PMPCA: variants seen among roughly 807,000 people sequenced by gnomAD.
PMPCA encodes the protein peptidase, mitochondrial processing subunit alpha, also known as mitochondrial-processing peptidase subunit alpha.
PMPCA carries 47 observed loss-of-function variants against 59.3 expected under a neutral mutation model. The ratio of observed to expected loss-of-function variants is 0.79; its 90% CI spans 0.63 to 1.01. The LOEUF (loss-of-function observed/expected upper bound fraction) is 1.01. PMPCA is among the 50% of genes least tolerant of loss of function. The pLI, the probability that PMPCA is intolerant of heterozygous loss-of-function variation, is 0.00. For synonymous variants in PMPCA, 338 were observed against 290.3 expected (o/e 1.16, Z -1.67); for missense variants, 726 against 704.5 (o/e 1.03, Z -0.34).
At chr9:136,416,675 G>C in intron 6 of PMPCA, 1 of 592,334 alleles carries the variant, frequency 1.7e-6, no homozygotes, top group Non-Finnish European at 3.0e-6. Flanking sequence ...TGAGTCTGCT[G>C]TTTATACAAT....
Position 136,417,109 on chromosome 9 carries a change from G to T in PMPCA, c.792G>T (p.Val264=), listed in dbSNP as rs554866200. The T allele has an allele frequency of 3.1e-6, 5 of 1,613,896 alleles. No homozygotes were observed. Among genetic ancestry groups the T allele is most frequent in the Non-Finnish European group, 3.4e-6 (4 of 1,180,000 alleles). Residue 264 remains valine (V), a synonymous_variant, in exon 7 of 13, where the codon GTG becomes GTT. Transcript: ENST00000371717. ...AGVGVEHEHL[V]DCARKYLLGV... ...TGGGCGTGGAGCACGAGCATCTGGT[G>T]GACTGTGCCCGGAAGTACCTCCTGG...
Position 136,412,008 on chromosome 9 carries a change from C to T in PMPCA, c.83C>T (p.Pro28Leu). The part of the protein sequence containing the change: ...WGCSRLRFGP[P>L]AYRRFSSGGA... ...TTTCTCTGTTTTAGGTTTGGACCTC[C>T]TGCGTACAGACGGTTTAGTAGTGGT... The change falls in exon 2 of 13, where the codon CCT (proline) becomes CTT (leucine). Residue 28 changes from proline (P) to leucine (L), a missense_variant. Pro to Leu is a moderately conservative substitution (Grantham distance 98). Transcript: ENST00000371717. The T allele has an allele frequency of 1.9e-6, 3 of 1,610,268 alleles. No individual in the cohort carries two copies. Among genetic ancestry groups the T allele is most frequent in the Non-Finnish European group, 2.5e-6 (3 of 1,176,756 alleles).
chr9:136,412,752 T>C lies in PMPCA; in HGVS notation c.355-58T>C. The C allele has an allele frequency of 3.8e-6, 4 of 1,043,476 alleles. No individual in the cohort carries two copies. In the South Asian group the frequency reaches 4.1e-5, roughly 11 times the overall value. The allele number at this position is 1,043,476 out of a possible 1,614,324, so 64.6% of individuals were successfully genotyped here. Reference sequence around the variant, plus strand: ...AGCAAAAGTAGATTTTAAAAAAAAATTGTGTTTCAGGGATAGCCTGGATTG... The same window carrying C: ...AGCAAAAGTAGATTTTAAAAAAAAACTGTGTTTCAGGGATAGCCTGGATTG... On this transcript the variant is annotated intron_variant, in intron 3 of 12. Transcript: ENST00000371717.
chr9:136,416,500 A>G (rs1252037136), intron 6 of PMPCA, 109 bp downstream of exon 6: 2 of 793,976 alleles, frequency 2.5e-6, no homozygotes, highest in South Asian at 1.4e-5. Context: ...GGTTATGGAT[A>G]TATACAGAAC....
chr9:136,412,337 G>C, intron 2 of PMPCA, 138 bp downstream of exon 2: 1 of 803,174 alleles, frequency 1.2e-6, no homozygotes, highest in Non-Finnish European at 2.2e-6. Context: ...CATAAATGTT[G>C]AGCTACACAT....
intron 6 of PMPCA, 161 bp from the exon 7 acceptor site, chr9:136,416,790 T>C: frequency 7.9e-6 from 5 of 629,408 alleles, no homozygotes; most frequent in Non-Finnish European, 1.4e-5. Context: ...TTTTACTCTT[T>C]ATAAATACGC....
At position 136,412,217 on chromosome 9, in the gene PMPCA, G is replaced by A; in HGVS notation, c.274+18G>A. On this transcript the variant is annotated intron_variant, in intron 2 of 12. Coordinates refer to ENST00000371717, the MANE Select transcript of PMPCA (RefSeq NM_015160.3). ...AGTAGGAAGTAAGTACTGTTGTGTT[G>A]TCGTGGGTGGTCCCGCAGTTTTAAC... 5 of 1,565,728 alleles carry A rather than the reference G, an allele frequency of 3.2e-6. No homozygotes were observed.
intron 11 of PMPCA, chr9:136,419,333 A>T (rs1401575703): frequency 1.6e-6 from 1 of 610,310 alleles, no homozygotes; most frequent in African/African-American, 1.8e-5. Flanking sequence ...GAAAACAGAA[A>T]AACAGACCAC....
rs150776126 is a variant in PMPCA at position 136,417,220 on chromosome 9, G to C, written c.897+6G>C. On this transcript the variant is annotated splice_donor_region_variant and intron_variant, in intron 7 of 12. Coordinates refer to ENST00000371717, the MANE Select transcript of PMPCA (RefSeq NM_015160.3). ...ACACTGGGGGGATTGCCAAGGTGAA[G>C]TAGCGGGAACGTCTCATGGCCTCGG... 37 of 1,565,770 alleles carry C rather than the reference G, an allele frequency of 2.4e-5. No individual in the cohort carries two copies. The African/African-American group carries it at 4.6e-4, about 19-fold the overall frequency.
At chr9:136,413,144 C>G (rs115624127) in intron 4 of PMPCA, among the ~76,000 whole-genome samples, 3,690 of 152,296 alleles carry the variant, frequency 0.024, 63 homozygotes, top group Middle Eastern at 0.095. Flanking sequence ...AGGCCCTGTT[C>G]CCAGATAGAG....
chr9:136,412,866 G>C lies in PMPCA; in HGVS notation c.411G>C (p.Gly137=), dbSNP rs774779672. 2.5e-6 allele frequency: 4 copies of C among 1,607,452 alleles called. No homozygotes were observed. The highest frequency in any genetic ancestry group is 8.5e-7 in the Non-Finnish European group (1 of 1,174,114). The change falls in exon 4 of 13, where the codon GGG becomes GGC. Residue 137 remains glycine, a synonymous_variant. Coordinates refer to ENST00000371717, the MANE Select transcript of PMPCA (RefSeq NM_015160.3). Reference sequence around the variant, plus strand: ...TTCTGCTTACGTTGGAAAAGCATGGGGGTATCTGTGACTGCCAGACATCAA... The same window carrying C: ...TTCTGCTTACGTTGGAAAAGCATGGCGGTATCTGTGACTGCCAGACATCAA... ...DEILLTLEKH[G]GICDCQTSRD...
rs982081111 is a variant in PMPCA, at chr9:136,417,205, G to C, written c.888G>C (p.Gly296=). ...IDRSVAQYTG[G]IAKLERDMSN... ...GATCTGTGGCCCAGTACACTGGGGG[G>C]ATTGCCAAGGTGAAGTAGCGGGAAC... The change falls in exon 7 of 13, where the codon GGG becomes GGC. Residue 296 remains glycine (G), a synonymous_variant. Coordinates refer to ENST00000371717, the MANE Select transcript of PMPCA (RefSeq NM_015160.3). 1 of 1,574,632 alleles carries C rather than the reference G, an allele frequency of 6.4e-7. No individual in the cohort carries two copies. The highest frequency in any genetic ancestry group is 8.7e-7 in the Non-Finnish European group (1 of 1,154,434).
At chr9:136,422,842 C>G in intron 12 of PMPCA, 1 of 1,300,430 alleles carries the variant, frequency 7.7e-7, no homozygotes, top group Non-Finnish European at 9.8e-7. Flanking sequence ...GTAAGTGTAA[C>G]TCTTCTTGGG....
chr9:136,414,759 G>T, intron 5 of PMPCA, 112 bp downstream of exon 5: 1 of 709,198 alleles, frequency 1.4e-6, no homozygotes, highest in South Asian at 1.5e-5. Context: ...TGGAGCTTTA[G>T]GCCAACACAA....
chr9:136,413,757 C>T (rs1835198599), intron 4 of PMPCA, among the ~76,000 whole-genome samples: 1 of 152,164 alleles, frequency 6.6e-6, no homozygotes, highest in South Asian at 2.1e-4. Flanking sequence ...CCCCCCTCGC[C>T]CTCAGCTCAG....
intron 12 of PMPCA, chr9:136,422,456 A>C (rs1003563660): frequency 3.6e-5 from 38 of 1,061,690 alleles, no homozygotes; most frequent in African/African-American, 3.0e-4. Flanking sequence ...TGTGCATCGG[A>C]CTCTTCTGGG....
In PMPCA at chr9:136,416,405, C is replaced by T; in HGVS notation, c.633+14C>T. On this transcript the variant is annotated intron_variant, in intron 6 of 12. Coordinates refer to ENST00000371717, the MANE Select transcript of PMPCA (RefSeq NM_015160.3). ...ATGATTCATGAAGTAAAATGTCAAA[C>T]TCGAGAATGCCCCCGCATCTCGAAC... The T allele has an allele frequency of 6.4e-7, 1 of 1,565,044 alleles. No individual in the cohort carries two copies. The highest frequency in any genetic ancestry group is 1.1e-5 in the South Asian group (1 of 90,180).
At position 136,416,313 on chromosome 9, in the gene PMPCA, G is replaced by T; in HGVS notation, c.555G>T (p.Arg185=). 4 of 1,613,856 alleles carry T rather than the reference G, an allele frequency of 2.5e-6. No individual in the cohort carries two copies. The highest frequency in any genetic ancestry group is 2.2e-5 in the East Asian group (1 of 44,888). The change falls in exon 6 of 13, where the codon CGG becomes CGT. Residue 185 remains arginine, a synonymous_variant. Coordinates refer to ENST00000371717, the MANE Select transcript of PMPCA (RefSeq NM_015160.3). ...CAGATGAAGAAGTCGAGATGACGCG[G>T]ATGGCGGTCCAGTTTGAGCTGGAGG... ...RLTDEEVEMT[R]MAVQFELEDL...
At chr9:136,420,672 A>G (rs908621265) in intron 11 of PMPCA, 1 of 152,284 alleles carries the variant, frequency 6.6e-6, no homozygotes, top group Non-Finnish European at 1.5e-5. Flanking sequence ...AATACGCTTC[A>G]GTTCCACTAG....
Sources: allele counts gnomAD v4.1 joint callset (sites outside exome capture counted in the v4.1 genomes callset), GRCh38; gene constraint gnomAD v4.1.1; transcripts MANE v1.5; gene names NCBI Gene and HGNC (gene_info 2026-07-23, HGNC 2026-07-21).